The following UBA6 variants were observed in gnomAD, a reference collection of about 807,000 sequenced individuals.
The protein encoded by UBA6 is ubiquitin like modifier activating enzyme 6.
A neutral mutation model predicts 148.3 loss-of-function variants in UBA6; 87 were observed. The observed-to-expected ratio is 0.59, with a 90% CI of 0.49 to 0.70. UBA6 has a LOEUF of 0.70. Among genes scored for constraint, UBA6 ranks in the 30% least tolerant of loss-of-function variants. The probability of loss-of-function intolerance (pLI) is 0.00; values close to 1 mark genes in which losing one functional copy is unlikely to be tolerated. For synonymous variants in UBA6, 376 were observed against 401.0 expected (o/e 0.94, Z 0.75); for missense variants, 1,186 against 1,241.2 (o/e 0.96, Z 0.67).
chr4:67,638,572 G>C (rs368195538), intron 19 of UBA6, among the ~76,000 whole-genome samples: 20 of 152,074 alleles, frequency 1.3e-4, no homozygotes, highest in East Asian at 5.8e-4. Context: ...CTCCTTCTAT[G>C]TTTTCTATTG....
At chr4:67,650,503 T>TC (rs1294409625) in intron 13 of UBA6, among the ~76,000 whole-genome samples, 2 of 152,040 alleles carry the variant, frequency 1.3e-5, no homozygotes, top group African/African-American at 4.8e-5. Flanking sequence ...TAGCTAAATT[T>TC]CCCCAAATAA....
chr4:67,670,417 T>A (rs538722319), intron 8 of UBA6, 53 bp downstream of exon 8: 1 of 1,486,650 alleles, frequency 6.7e-7, no homozygotes, highest in East Asian at 2.3e-5. Context: ...GAAAACAGCA[T>A]TCACATCAAC....
intron 17 of UBA6, among the ~76,000 whole-genome samples, chr4:67,642,405 G>A (rs951485871): frequency 2.6e-5 from 4 of 151,940 alleles, no homozygotes; most frequent in Non-Finnish European, 4.4e-5. Flanking sequence ...TGCTTTCCAT[G>A]AGATCAGTTA....
At chr4:67,645,841 T>C (rs1404524437) in intron 16 of UBA6, 97 bp downstream of exon 16, 3 of 584,966 alleles carry the variant, frequency 5.1e-6, no homozygotes, top group South Asian at 3.2e-5. Flanking sequence ...ACTACTCACC[T>C]GTACTCTACA....
At position 67,636,804 on chromosome 4, in the gene UBA6, C is replaced by A. The variant is rs1418850691; in HGVS notation, c.1737-1246G>T. 6.6e-5 allele frequency among the ~76,000 whole-genome samples: 10 copies of A among 152,274 alleles called. No individual in the cohort carries two copies. In the South Asian group the frequency reaches 1.9e-3, roughly 28 times the overall value. ...AAGTGCCGAGATTGCAGCCTCTGCC[C>A]GGCCGCCACCCCGTCTGGGAAGTGA... is the stretch of plus-strand genomic sequence containing the variant. On this transcript the variant is annotated intron_variant, in intron 19 of 32. Coordinates refer to ENST00000322244, the MANE Select transcript of UBA6 (RefSeq NM_018227.6).
At chr4:67,645,358 T>TG (rs1431929273) in intron 16 of UBA6, among the ~76,000 whole-genome samples, 1 of 152,148 alleles carries the variant, frequency 6.6e-6, no homozygotes, top group Non-Finnish European at 1.5e-5. Context: ...CCCAGCACTT[T>TG]GGGAAGCTGA....
chr4:67,629,814 T>A (rs1239886431), intron 26 of UBA6, among the ~76,000 whole-genome samples: 1 of 152,060 alleles, frequency 6.6e-6, no homozygotes, highest in Non-Finnish European at 1.5e-5. Flanking sequence ...CTAAAACAGA[T>A]ATTGTTATCT....
At chr4:67,667,507 GAT>G (rs1174247053) in intron 9 of UBA6, among the ~76,000 whole-genome samples, 2 of 151,698 alleles carry the variant, frequency 1.3e-5, no homozygotes, top group Non-Finnish European at 2.9e-5. Context: ...CTCTCCTGAG[GAT>G]ATATTTTGCC....
intron 14 of UBA6, among the ~76,000 whole-genome samples, chr4:67,648,395 C>A (rs1577807450): frequency 6.8e-6 from 1 of 146,488 alleles, no homozygotes. Flanking sequence ...GTGAACCCGG[C>A]AGACAGAGGT....
At chr4:67,661,851 CAT>C (rs761734326) in intron 13 of UBA6, 4 of 316,854 alleles carry the variant, frequency 1.3e-5, no homozygotes, top group Non-Finnish European at 2.2e-5. Context: ...AGAAAGCTAA[CAT>C]ATATAAGTTT....
Position 67,616,003 on chromosome 4 carries a change from C to A in UBA6, c.*2994G>T. ...TTATATAGTTGCTTTAAAATTATTC[C>A]TTGAACTGCATATTTATATTTTATG... On this transcript the variant is annotated 3_prime_UTR_variant, in exon 33 of 33. Transcript: ENST00000322244. 2.7e-6 allele frequency: 1 copy of A among 376,844 alleles called. No individual in the cohort carries two copies. Among genetic ancestry groups the A allele is most frequent in the South Asian group, 1.4e-4 (1 of 7,394 alleles). The allele number at this position is 376,844 out of a possible 1,614,324, so 23.3% of individuals were successfully genotyped here.
intron 2 of UBA6, among the ~76,000 whole-genome samples, chr4:67,682,459 G>A (rs1203374498): frequency 6.6e-6 from 1 of 152,200 alleles, no homozygotes; most frequent in African/African-American, 2.4e-5. Context: ...GTGAGTAAGA[G>A]TTGCCCTGTT....
chr4:67,666,830 A>G lies in UBA6; in HGVS notation c.794-1538T>C, dbSNP rs536862793. ...GCTGAGGCTGCAGTGAGCCATGATC[A>G]TGTCGCTGCACTTCAGCCTGGGCAA... On this transcript the variant is annotated intron_variant, in intron 9 of 32. Coordinates refer to ENST00000322244, the MANE Select transcript of UBA6 (RefSeq NM_018227.6). Among the ~76,000 whole-genome samples, 5 of 152,274 alleles carry G rather than the reference A, an allele frequency of 3.3e-5. No individual in the cohort carries two copies. In the South Asian group the frequency reaches 6.2e-4, roughly 19 times the overall value.
chr4:67,678,062 T>C (rs1300156197), intron 5 of UBA6, among the ~76,000 whole-genome samples: 4 of 145,424 alleles, frequency 2.8e-5, no homozygotes, highest in Non-Finnish European at 4.5e-5. Flanking sequence ...GTGTAATATA[T>C]ATATATCTTT....
intron 7 of UBA6, among the ~76,000 whole-genome samples, chr4:67,672,030 TCTGA>T: frequency 6.6e-6 from 1 of 152,116 alleles, no homozygotes; most frequent in East Asian, 1.9e-4. Context: ...TTCAATGACT[TCTGA>T]CTATCTCTCT....
In UBA6 at chr4:67,613,354, A is replaced by C. The variant is rs977505478; in HGVS notation, c.*5643T>G. 9.2e-5 allele frequency: 14 copies of C among 152,242 alleles called. 1 individual carries two copies. Among genetic ancestry groups the C allele is most frequent in the Admixed American group, 6.5e-4 (10 of 15,288 alleles). The allele number at this position is 152,242 out of a possible 1,614,324, so 9.4% of individuals were successfully genotyped here. On this transcript the variant is annotated 3_prime_UTR_variant, in exon 33 of 33. Coordinates refer to ENST00000322244, the MANE Select transcript of UBA6 (RefSeq NM_018227.6). ...AGTAAGAATGAAGACTAGAACAAAC[A>C]AAATAAAAACAGACCCACAGGCGGG...
chr4:67,694,012 A>G (rs577792381), intron 2 of UBA6, among the ~76,000 whole-genome samples: 4 of 151,874 alleles, frequency 2.6e-5, no homozygotes, highest in Non-Finnish European at 5.9e-5. Flanking sequence ...CAAGAGACTG[A>G]GATCATCCTG....
In UBA6 at chr4:67,624,226, C is replaced by T. The variant is rs1728814586; in HGVS notation, c.2740G>A (p.Gly914Ser). ...LVALEMIKVT[G>S]GYPFEAYKNC... is the part of the protein sequence containing the mutation. The stretch of plus-strand genomic sequence containing the variant: ...TTGTAAGCTTCAAATGGATAGCCAC[C>T]AGTTACTTTGATCATCTCCAAGGCA... Residue 914 changes from glycine to serine, a missense_variant, in exon 30 of 33, where the codon GGT becomes AGT. By Grantham distance (56) the Gly-to-Ser change is moderately conservative. Coordinates refer to ENST00000322244, the MANE Select transcript of UBA6 (RefSeq NM_018227.6). 6.2e-7 allele frequency: 1 copy of T among 1,608,652 alleles called. No homozygotes were observed. Among genetic ancestry groups the T allele is most frequent in the Admixed American group, 1.7e-5 (1 of 59,130 alleles).
At chr4:67,627,533 T>C (rs1238119153) in intron 27 of UBA6, among the ~76,000 whole-genome samples, 1 of 152,000 alleles carries the variant, frequency 6.6e-6, no homozygotes, top group Admixed American at 6.6e-5. Context: ...GCATTTTTCC[T>C]TGGCTTCTCT....
Sources: gnomAD v4.1 joint callset for allele counts (sites outside exome capture counted in the v4.1 genomes callset) on GRCh38, gnomAD v4.1.1 for gene constraint, MANE v1.5 for transcripts, NCBI Gene and HGNC (gene_info 2026-07-23, HGNC 2026-07-21) for gene names.